Variants in CADM1 observed in about 807,000 individuals in gnomAD.
The protein encoded by CADM1 is TSLC-1.
In CADM1, 15 loss-of-function variants were observed where a neutral mutation model predicts 53.1. The observed-to-expected ratio is 0.28, with a 90% CI of 0.19 to 0.44. The LOEUF (loss-of-function observed/expected upper bound fraction) is 0.44. Ranked by LOEUF, CADM1 falls within the 20% of genes least tolerant of loss-of-function variation. The pLI, the probability that CADM1 is intolerant of heterozygous loss-of-function variation, is 1.00. For synonymous variants in CADM1, 281 were observed against 243.0 expected (o/e 1.16, Z -1.45); for missense variants, 434 against 611.3 (o/e 0.71, Z 3.06).
chr11:115,483,587 C>T (rs1372679065), intron 1 of CADM1, among the ~76,000 whole-genome samples: 1 of 152,176 alleles, frequency 6.6e-6, no homozygotes, highest in Non-Finnish European at 1.5e-5. Context: ...CACAAGCCCA[C>T]AATAGCTCAG....
intron 1 of CADM1, among the ~76,000 whole-genome samples, chr11:115,355,916 T>C (rs1326497439): frequency 6.6e-6 from 1 of 152,202 alleles, no homozygotes; most frequent in Admixed American, 6.5e-5. Flanking sequence ...CACTGCAACC[T>C]CCGCCTCCTG....
At chr11:115,322,766 T>G (rs954206915) in intron 1 of CADM1, among the ~76,000 whole-genome samples, 5 of 152,204 alleles carry the variant, frequency 3.3e-5, no homozygotes, top group Admixed American at 2.0e-4. Context: ...TTGCGTAATA[T>G]TCTGTTATTT....
chr11:115,317,573 C>T (rs755735168), intron 1 of CADM1, among the ~76,000 whole-genome samples: 1 of 152,130 alleles, frequency 6.6e-6, no homozygotes, highest in Non-Finnish European at 1.5e-5. Context: ...GTTCCTCTGA[C>T]CAGTTCCCAA....
At chr11:115,228,568 C>T (rs1474221662) in intron 5 of CADM1, among the ~76,000 whole-genome samples, 10 of 152,168 alleles carry the variant, frequency 6.6e-5, no homozygotes, top group Non-Finnish European at 1.5e-4. Context: ...AAAACATATT[C>T]AGTCTACAGG....
At chr11:115,442,856 T>G (rs1000664829) in intron 1 of CADM1, among the ~76,000 whole-genome samples, 1 of 152,186 alleles carries the variant, frequency 6.6e-6, no homozygotes, top group African/African-American at 2.4e-5. Flanking sequence ...ACAAGATACA[T>G]GATTTAACAC....
At chr11:115,356,139 CTATAA>C (rs1945864519) in intron 1 of CADM1, among the ~76,000 whole-genome samples, 1 of 151,694 alleles carries the variant, frequency 6.6e-6, no homozygotes, top group Admixed American at 6.6e-5. Flanking sequence ...CTGAGGTACA[CTATAA>C]TATAACTCAC....
chr11:115,181,816 C>G (rs756338882), intron 10 of CADM1, among the ~76,000 whole-genome samples: 61 of 152,276 alleles, frequency 4.0e-4, no homozygotes, highest in Non-Finnish European at 6.5e-4. Context: ...GGCAGCAGGG[C>G]CGGGGTGAGC....
intron 1 of CADM1, among the ~76,000 whole-genome samples, chr11:115,501,774 G>A (rs1949731693): frequency 6.6e-6 from 1 of 152,104 alleles, no homozygotes; most frequent in African/African-American, 2.4e-5. Flanking sequence ...CCCTGGGAGT[G>A]GGAACTGGAG....
At chr11:115,373,976 GACA>G (rs1476680551) in intron 1 of CADM1, among the ~76,000 whole-genome samples, 1 of 152,086 alleles carries the variant, frequency 6.6e-6, no homozygotes, top group Non-Finnish European at 1.5e-5. Context: ...TTATCTTTAA[GACA>G]ACAACAATAC....
intron 3 of CADM1, 87 bp from the exon 4 acceptor site, chr11:115,231,577 T>C (rs1458292591): frequency 7.2e-6 from 9 of 1,241,762 alleles, no homozygotes; most frequent in Non-Finnish European, 1.1e-5. Flanking sequence ...TAGACATTCC[T>C]GATGGGAATT....
At chr11:115,223,847 T>C (rs1177015207) in intron 5 of CADM1, among the ~76,000 whole-genome samples, 1 of 152,024 alleles carries the variant, frequency 6.6e-6, no homozygotes, top group Non-Finnish European at 1.5e-5. Flanking sequence ...TCTTCATTCC[T>C]TGATTATTTC....
chr11:115,292,107 G>T (rs1013830473), intron 1 of CADM1, among the ~76,000 whole-genome samples: 1 of 152,144 alleles, frequency 6.6e-6, no homozygotes, highest in East Asian at 1.9e-4. Flanking sequence ...AGCTGGAGGG[G>T]TCATCCACCT....
At chr11:115,264,030 G>T (rs867098003) in intron 1 of CADM1, among the ~76,000 whole-genome samples, 2 of 152,142 alleles carry the variant, frequency 1.3e-5, no homozygotes, top group South Asian at 4.1e-4. Context: ...AGATGAGATC[G>T]AGAGTCAAAT....
intron 1 of CADM1, among the ~76,000 whole-genome samples, chr11:115,363,311 C>G (rs946379510): frequency 2.6e-5 from 4 of 152,172 alleles, no homozygotes; most frequent in African/African-American, 9.7e-5. Context: ...CTGCTGTTCT[C>G]TGAATGTCAG....
rs1948885853 is a variant in CADM1, at chr11:115,465,716, T to C, written c.124+38555A>G. On this transcript the variant is annotated intron_variant, in intron 1 of 11. Coordinates refer to ENST00000331581, the MANE Select transcript of CADM1 (RefSeq NM_001301043.2). ...AGATTTTAATCCTGAAGAGACTTAC[T>C]TCAGAATCTGCCTCCCTTAGATTTT... Among the ~76,000 whole-genome samples, 2 of 152,186 alleles carry C rather than the reference T, an allele frequency of 1.3e-5. 1 individual carries two copies. Among genetic ancestry groups the C allele is most frequent in the African/African-American group, 4.8e-5 (2 of 41,464 alleles).
intron 8 of CADM1, chr11:115,207,429 G>A (rs138288298): frequency 1.3e-5 from 2 of 152,292 alleles, no homozygotes; most frequent in East Asian, 3.9e-4. Context: ...AGTCTCTGCA[G>A]TCGGAACTGT....
intron 1 of CADM1, among the ~76,000 whole-genome samples, chr11:115,378,280 A>G (rs1946488952): frequency 6.6e-6 from 1 of 152,148 alleles, no homozygotes; most frequent in Non-Finnish European, 1.5e-5. Context: ...TGTGAAAATG[A>G]GATAAGTCAA....
intron 1 of CADM1, among the ~76,000 whole-genome samples, chr11:115,375,653 G>A (rs1425233058): frequency 6.6e-6 from 1 of 152,100 alleles, no homozygotes; most frequent in East Asian, 1.9e-4. Flanking sequence ...ATAAAACAAT[G>A]TGTTGTTAAA....
intron 1 of CADM1, among the ~76,000 whole-genome samples, chr11:115,261,529 T>C (rs1021323705): frequency 6.6e-6 from 1 of 152,214 alleles, no homozygotes; most frequent in Non-Finnish European, 1.5e-5. Context: ...CATTTTCATA[T>C]GTTGAAGGGG....
Sources: allele counts gnomAD v4.1 joint callset (sites outside exome capture counted in the v4.1 genomes callset), GRCh38; gene constraint gnomAD v4.1.1; transcripts MANE v1.5; gene names NCBI Gene and HGNC (gene_info 2026-07-23, HGNC 2026-07-21).